Variants in IGFL2 observed in about 807,000 individuals in gnomAD.
The protein encoded by IGFL2 is insulin growth factor-like family member 2.
IGFL2 carries 7 observed loss-of-function variants against 13.9 expected under a neutral mutation model. That is an observed-to-expected ratio of 0.51 (90% CI 0.29 to 0.95). IGFL2 has a LOEUF of 0.95. Among genes scored for constraint, IGFL2 ranks in the 40% least tolerant of loss-of-function variants. The pLI is 0.08. For synonymous variants in IGFL2, 55 were observed against 55.8 expected, an observed-to-expected ratio of 0.99 and a Z score of 0.07; for missense variants, 138 against 147.8, an observed-to-expected ratio of 0.93 and a Z score of 0.34.
chr19:46,085,652 G>A, the IGFL2 span, among the ~76,000 whole-genome samples: 1 of 152,190 alleles, frequency 6.6e-6, no homozygotes, highest in Non-Finnish European at 1.5e-5. Flanking sequence ...GTGAGGGTTT[G>A]ATCCTGTCAT....
the IGFL2 span, among the ~76,000 whole-genome samples, chr19:46,188,981 A>T: frequency 5.9e-5 from 9 of 152,140 alleles, no homozygotes; most frequent in African/African-American, 1.9e-4. Context: ...TTTTCTCCCC[A>T]TGTGCGGAGA....
the IGFL2 span, among the ~76,000 whole-genome samples, chr19:46,126,897 G>A: frequency 3.3e-5 from 5 of 152,182 alleles, no homozygotes; most frequent in Admixed American, 2.6e-4. Flanking sequence ...TTGATGATAC[G>A]ATGCATCACT....
chr19:46,080,088 G>T, the IGFL2 span, among the ~76,000 whole-genome samples: 1 of 152,322 alleles, frequency 6.6e-6, no homozygotes, highest in South Asian at 2.1e-4. Flanking sequence ...CAGTGAAAAT[G>T]TAAGTTTAAA....
chr19:46,140,375 G>A (rs1026820401), upstream of IGFL2, among the ~76,000 whole-genome samples: 6 of 152,188 alleles, frequency 3.9e-5, no homozygotes, highest in Non-Finnish European at 7.4e-5. Context: ...GAGGATGAAC[G>A]TTATTAAAAG....
the IGFL2 span, among the ~76,000 whole-genome samples, chr19:46,121,962 T>TA: frequency 6.6e-6 from 1 of 151,028 alleles, no homozygotes; most frequent in East Asian, 2.0e-4. Flanking sequence ...TGTAAAAATG[T>TA]AAAAACAAAC....
the IGFL2 span, among the ~76,000 whole-genome samples, chr19:46,168,899 AGT>A: frequency 1.4e-4 from 20 of 140,660 alleles, no homozygotes; most frequent in Admixed American, 6.4e-4. Flanking sequence ...CAGTAGATTG[AGT>A]GTGTGTGTGT....
chr19:46,176,192 AAAAAAG>A, the IGFL2 span, among the ~76,000 whole-genome samples: 47 of 150,832 alleles, frequency 3.1e-4, no homozygotes, highest in African/African-American at 1.0e-3. Context: ...GCCAAAAAAA[AAAAAAG>A]AAAAGAAAAC....
the IGFL2 span, among the ~76,000 whole-genome samples, chr19:46,120,933 T>C: frequency 6.6e-6 from 1 of 150,928 alleles, no homozygotes; most frequent in Admixed American, 6.6e-5. Flanking sequence ...CAACTATAAT[T>C]TGTCAATTTA....
At chr19:46,118,542 T>G in the IGFL2 span, among the ~76,000 whole-genome samples, 4 of 152,330 alleles carry the variant, frequency 2.6e-5, no homozygotes, top group African/African-American at 9.6e-5. Context: ...GCCTCCGGCC[T>G]GACATATGAA....
chr19:46,100,411 T>C, the IGFL2 span, among the ~76,000 whole-genome samples: 2 of 152,076 alleles, frequency 1.3e-5, no homozygotes, highest in Admixed American at 6.5e-5. Context: ...GCTCCAAATT[T>C]AAAGGGGAAA....
chr19:46,101,674 G>A, the IGFL2 span, among the ~76,000 whole-genome samples: 1 of 152,232 alleles, frequency 6.6e-6, no homozygotes, highest in Non-Finnish European at 1.5e-5. Flanking sequence ...GAGCTCAGAC[G>A]TCGTAAGCAG....
chr19:46,095,106 G>C, the IGFL2 span, among the ~76,000 whole-genome samples: 1 of 152,088 alleles, frequency 6.6e-6, no homozygotes, highest in Non-Finnish European at 1.5e-5. Context: ...AATTGCCACT[G>C]TTTTCTACAA....
the IGFL2 span, chr19:46,204,704 A>G: frequency 2.0e-5 from 3 of 152,178 alleles, no homozygotes; most frequent in African/African-American, 7.2e-5. Flanking sequence ...GCTGGGAAAA[A>G]TCCCTCAGGG....
chr19:46,173,408 A>G, the IGFL2 span: 2 of 152,268 alleles, frequency 1.3e-5, no homozygotes, highest in African/African-American at 4.8e-5. Context: ...GCTATAAATG[A>G]ATACCTGAGG....
At chr19:46,118,661 A>T in the IGFL2 span, among the ~76,000 whole-genome samples, 1 of 152,196 alleles carries the variant, frequency 6.6e-6, no homozygotes, top group African/African-American at 2.4e-5. Flanking sequence ...GACATCAGGT[A>T]TCTACAGACA....
At chr19:46,126,658 T>A in the IGFL2 span, among the ~76,000 whole-genome samples, 3 of 152,198 alleles carry the variant, frequency 2.0e-5, no homozygotes, top group African/African-American at 7.2e-5. Flanking sequence ...AACAGTAAAT[T>A]TACGTCATCG....
chr19:46,135,484 T>A, the IGFL2 span, among the ~76,000 whole-genome samples: 1 of 151,818 alleles, frequency 6.6e-6, no homozygotes, highest in South Asian at 2.1e-4. Flanking sequence ...TCCCCTTTAG[T>A]GTAGGGGAGA....
the IGFL2 span, among the ~76,000 whole-genome samples, chr19:46,099,615 G>C: frequency 2.0e-5 from 3 of 150,254 alleles, no homozygotes; most frequent in African/African-American, 7.4e-5. Context: ...TGCAACCTCT[G>C]CCCCCCGAGT....
the IGFL2 span, among the ~76,000 whole-genome samples, chr19:46,090,941 C>T: frequency 1.3e-5 from 2 of 152,174 alleles, no homozygotes; most frequent in South Asian, 4.1e-4. Flanking sequence ...ACTTTCCTCT[C>T]TTTCCACCAA....
Sources: gnomAD v4.1 joint callset for allele counts (sites outside exome capture counted in the v4.1 genomes callset) on GRCh38, gnomAD v4.1.1 for gene constraint, MANE v1.5 for transcripts, NCBI Gene and HGNC (gene_info 2026-07-23, HGNC 2026-07-21) for gene names.